Variants in CFTR observed in about 807,000 individuals in gnomAD.
The protein encoded by CFTR is CF transmembrane conductance regulator, also known as cystic fibrosis transmembrane conductance regulator.
A neutral mutation model predicts 171.6 loss-of-function variants in CFTR; 181 were observed. That is an observed-to-expected ratio of 1.05 (90% confidence interval 0.93 to 1.19). The LOEUF (loss-of-function observed/expected upper bound fraction) is 1.19, where lower values mean the gene tolerates loss of function less well. Ranked by LOEUF, CFTR falls within the 50% of genes most tolerant of loss-of-function variation. CFTR has a pLI of 0.00. For missense variants in CFTR, 1,968 were observed against 1,734.7 expected (o/e 1.13, Z -2.39); for synonymous variants, 583 against 608.0 (o/e 0.96, Z 0.60).
In CFTR at chr7:117,562,947, A is replaced by G. The variant is rs147176173; in HGVS notation, c.1584+3292A>G. ...AGAACCAGACAGAACCAGAGTGTAA[A>G]TAAGCCAGAAGGCCATGTCATGGAG... On this transcript the variant is annotated intron_variant, in intron 11 of 26. Transcript: ENST00000003084. Among the ~76,000 whole-genome samples the G allele has an allele frequency of 8.5e-5, 13 of 152,290 alleles. No individual in the cohort carries two copies. The highest frequency in any genetic ancestry group is 2.1e-4 in the South Asian group (1 of 4,828).
chr7:117,646,484 G>A (rs755789239), intron 23 of CFTR, among the ~76,000 whole-genome samples: 61 of 152,198 alleles, frequency 4.0e-4, no homozygotes, highest in Middle Eastern at 3.4e-3. Context: ...ACTAAGATGA[G>A]AACTAGAAAA....
At position 117,592,277 on chromosome 7, in the gene CFTR, C is replaced by A. The variant is rs1792041499; in HGVS notation, c.2110C>A (p.Pro704Thr). ...GEKRKNSILN[P>T]INSIRKFSIV... ...AAAAAGGAAGAATTCTATTCTCAATCCAATCAACTCTATACGAAAATTTTC... is the reference window on the plus strand; with the variant it reads ...AAAAAGGAAGAATTCTATTCTCAATACAATCAACTCTATACGAAAATTTTC... The change falls in exon 14 of 27, where the codon CCA becomes ACA. Residue 704 changes from proline (P) to threonine (T), a missense_variant. By Grantham distance (38) the Pro-to-Thr change is conservative. Transcript: ENST00000003084. 4 of 1,613,980 alleles carry A rather than the reference C, an allele frequency of 2.5e-6. No homozygotes were observed. Among genetic ancestry groups the A allele is most frequent in the Non-Finnish European group, 3.4e-6 (4 of 1,180,022 alleles).
At chr7:117,642,292 A>G in intron 22 of CFTR, 146 bp from the exon 23 acceptor site, 1 of 805,534 alleles carries the variant, frequency 1.2e-6, no homozygotes, top group South Asian at 1.5e-5. Context: ...AAAGTGTGCA[A>G]CAAGGTTTGA....
At chr7:117,507,492 A>G (rs1340806134) in intron 2 of CFTR, among the ~76,000 whole-genome samples, 1 of 152,198 alleles carries the variant, frequency 6.6e-6, no homozygotes. Context: ...TGGTTTATGT[A>G]CACACCCCTT....
intron 3 of CFTR, among the ~76,000 whole-genome samples, chr7:117,521,019 C>G (rs949787203): frequency 1.3e-5 from 2 of 151,856 alleles, no homozygotes; most frequent in South Asian, 4.1e-4. Flanking sequence ...TTATTTGAGA[C>G]TTTTAAAATA....
chr7:117,561,289 AAGG>A (rs767850729), intron 11 of CFTR, among the ~76,000 whole-genome samples: 88 of 151,096 alleles, frequency 5.8e-4, no homozygotes, highest in South Asian at 1.7e-3. Flanking sequence ...ATAATGAAAA[AAGG>A]AGAAGAGGAA....
rs995175421 is a variant in CFTR, at chr7:117,563,694, G to A, written c.1584+4039G>A. 2.6e-5 allele frequency among the ~76,000 whole-genome samples: 4 copies of A among 152,100 alleles called. 1 individual carries two copies. Among genetic ancestry groups the A allele is most frequent in the Admixed American group, 2.6e-4 (4 of 15,258 alleles). On this transcript the variant is annotated intron_variant, in intron 11 of 26. Transcript: ENST00000003084. Reference sequence around the variant, plus strand: ...CAGCTTTTGCTAACAAAGTACTAGTGGAGGATGCCACTAGGTGAGGTTTAA... The same window carrying A: ...CAGCTTTTGCTAACAAAGTACTAGTAGAGGATGCCACTAGGTGAGGTTTAA...
At chr7:117,542,279 G>C (rs900412109) in intron 9 of CFTR, among the ~76,000 whole-genome samples, 171 bp downstream of exon 9, 2 of 152,224 alleles carry the variant, frequency 1.3e-5, no homozygotes, top group Non-Finnish European at 2.9e-5. Flanking sequence ...ATGGCCAGGT[G>C]CTCATGGTTG....
intron 22 of CFTR, among the ~76,000 whole-genome samples, chr7:117,640,934 T>C (rs549200634): frequency 6.6e-6 from 1 of 152,146 alleles, no homozygotes; most frequent in Non-Finnish European, 1.5e-5. Context: ...GTGCTAAGAA[T>C]TCAATGCAAA....
At chr7:117,498,399 C>T (rs192513281) in intron 1 of CFTR, among the ~76,000 whole-genome samples, 35 of 152,194 alleles carry the variant, frequency 2.3e-4, no homozygotes, top group African/African-American at 7.5e-4. Flanking sequence ...GAAGCAAACA[C>T]TGCTAAATAC....
chr7:117,587,947 T>G (rs1406909483), intron 12 of CFTR, 114 bp downstream of exon 12: 9 of 710,980 alleles, frequency 1.3e-5, no homozygotes, highest in Non-Finnish European at 2.0e-5. Flanking sequence ...GAAAAAATCC[T>G]GGGGTTTTAT....
At chr7:117,622,512 A>G (rs1450103561) in intron 21 of CFTR, among the ~76,000 whole-genome samples, 1 of 152,122 alleles carries the variant, frequency 6.6e-6, no homozygotes, top group Admixed American at 6.6e-5. Context: ...ACTTTTTTAC[A>G]TTGTGCCAGT....
At chr7:117,655,292 A>G (rs1562926731) in intron 24 of CFTR, among the ~76,000 whole-genome samples, 1 of 152,190 alleles carries the variant, frequency 6.6e-6, no homozygotes, top group Non-Finnish European at 1.5e-5. Context: ...ATATTTCCTC[A>G]GTCAAACATT....
intron 1 of CFTR, among the ~76,000 whole-genome samples, chr7:117,492,015 T>C (rs2116619722): frequency 6.6e-6 from 1 of 152,100 alleles, no homozygotes; most frequent in South Asian, 2.1e-4. Flanking sequence ...GGATGTTAAG[T>C]GATATGATAC....
intron 24 of CFTR, among the ~76,000 whole-genome samples, chr7:117,659,968 A>G (rs1024394373): frequency 6.6e-6 from 1 of 152,090 alleles, no homozygotes; most frequent in Non-Finnish European, 1.5e-5. Flanking sequence ...GCTCCATAAT[A>G]ACATTCCAGA....
chr7:117,553,763 AG>A (rs1799308600), intron 10 of CFTR, among the ~76,000 whole-genome samples: 1 of 152,202 alleles, frequency 6.6e-6, no homozygotes, highest in South Asian at 2.1e-4. Flanking sequence ...AAATGTACAA[AG>A]GATTGAATAG....
At chr7:117,617,016 A>T (rs1192678788) in intron 21 of CFTR, among the ~76,000 whole-genome samples, 1 of 152,178 alleles carries the variant, frequency 6.6e-6, no homozygotes, top group Non-Finnish European at 1.5e-5. Context: ...TTTTACGTTT[A>T]TATGATGTTA....
intron 10 of CFTR, among the ~76,000 whole-genome samples, chr7:117,555,393 G>A (rs1226791224): frequency 4.6e-5 from 7 of 152,138 alleles, no homozygotes; most frequent in Non-Finnish European, 1.0e-4. Flanking sequence ...TAATTTGGAA[G>A]CCACTTCCTG....
In CFTR at chr7:117,559,456, A is replaced by G; in HGVS notation, c.1393-8A>G. On this transcript the variant is annotated splice_region_variant and splice_polypyrimidine_tract_variant and intron_variant, in intron 10 of 26. Transcript: ENST00000003084. ...TAATGACCTAATAATGATGGGTTTT[A>G]TTTCCAGACTTCACTTCTAATGGTG... The G allele has an allele frequency of 6.3e-7, 1 of 1,585,410 alleles. No individual in the cohort carries two copies. The highest frequency in any genetic ancestry group is 1.1e-5 in the South Asian group (1 of 90,424).
Sources: gnomAD v4.1 joint callset for allele counts (sites outside exome capture counted in the v4.1 genomes callset) on GRCh38, gnomAD v4.1.1 for gene constraint, MANE v1.5 for transcripts, NCBI Gene and HGNC (gene_info 2026-07-23, HGNC 2026-07-21) for gene names.